The following NPAS3 variants were observed in gnomAD, a reference collection of about 807,000 sequenced individuals.
NPAS3 encodes the protein neuronal PAS domain protein 3, also known as neuronal PAS domain-containing protein 3.
NPAS3 carries 14 observed loss-of-function variants against 73.1 expected under a neutral mutation model. That is an observed-to-expected ratio of 0.19 (90% CI 0.13 to 0.30). The LOEUF (loss-of-function observed/expected upper bound fraction) is 0.30, where lower values mean the gene tolerates loss of function less well. Ranked by LOEUF, NPAS3 falls within the 10% of genes least tolerant of loss-of-function variation. The pLI, the probability that NPAS3 is intolerant of heterozygous loss-of-function variation, is 1.00. For synonymous variants in NPAS3, 620 were observed against 541.5 expected, an observed-to-expected ratio of 1.14 and a Z score of -2.01; for missense variants, 1,096 against 1,250.0, an observed-to-expected ratio of 0.88 and a Z score of 1.86.
rs150283866 is a variant in NPAS3, at chr14:33,098,983, A to G, written c.140+42989A>G. ...ATGGAAACTTAGTCTATGTTCCAGT[A>G]GCCAATCCTTGTATCCGTGGAGCCG... On this transcript the variant is annotated intron_variant, in intron 2 of 11. Transcript: ENST00000356141. Among the ~76,000 whole-genome samples the G allele has an allele frequency of 3.4e-3, 520 of 152,378 alleles. 18 individuals are homozygous for G. The East Asian group carries it at 0.09, about 26-fold the overall frequency.
chr14:33,269,614 G>A (rs1032006934), intron 3 of NPAS3, among the ~76,000 whole-genome samples: 1 of 152,132 alleles, frequency 6.6e-6, no homozygotes, highest in Non-Finnish European at 1.5e-5. Context: ...GGGAAACAAT[G>A]AGAAAATGAG....
chr14:33,033,487 A>G (rs759739461), intron 1 of NPAS3, among the ~76,000 whole-genome samples: 32 of 151,936 alleles, frequency 2.1e-4, no homozygotes, highest in Non-Finnish European at 5.9e-5. Context: ...TCAAATATAT[A>G]TATATATTTA....
chr14:33,449,684 A>G (rs2049699524), intron 4 of NPAS3, among the ~76,000 whole-genome samples: 1 of 152,152 alleles, frequency 6.6e-6, no homozygotes, highest in Non-Finnish European at 1.5e-5. Context: ...TGGCTAAAAA[A>G]TGCAATCTGC....
At chr14:33,450,450 G>T (rs532256229) in intron 4 of NPAS3, among the ~76,000 whole-genome samples, 1 of 152,156 alleles carries the variant, frequency 6.6e-6, no homozygotes, top group Admixed American at 6.5e-5. Context: ...TTGGTGTCTA[G>T]TCTCCCAAAC....
intron 2 of NPAS3, among the ~76,000 whole-genome samples, chr14:33,152,803 C>T (rs533204092): frequency 4.6e-5 from 7 of 151,558 alleles, no homozygotes; most frequent in African/African-American, 1.7e-4. Flanking sequence ...AATTTACTTT[C>T]ATTCAATGTG....
At chr14:33,729,456 AGGTTAGC>A (rs1296737462) in intron 6 of NPAS3, among the ~76,000 whole-genome samples, 1 of 152,188 alleles carries the variant, frequency 6.6e-6, no homozygotes, top group African/African-American at 2.4e-5. Context: ...TAGTTCCTTC[AGGTTAGC>A]GATCTAGGAG....
At chr14:33,425,144 A>G (rs1008276941) in intron 4 of NPAS3, among the ~76,000 whole-genome samples, 2 of 152,030 alleles carry the variant, frequency 1.3e-5, no homozygotes, top group African/African-American at 4.8e-5. Flanking sequence ...GAAAACATCT[A>G]TTATAATCAA....
chr14:33,279,328 C>T (rs929088041), intron 3 of NPAS3, among the ~76,000 whole-genome samples: 10 of 152,056 alleles, frequency 6.6e-5, no homozygotes, highest in African/African-American at 2.2e-4. Flanking sequence ...ATGTACCAGG[C>T]ACAATGCTAA....
chr14:33,489,946 G>T (rs981215779), intron 4 of NPAS3, among the ~76,000 whole-genome samples: 2 of 152,132 alleles, frequency 1.3e-5, no homozygotes, highest in Non-Finnish European at 2.9e-5. Context: ...AGGTTTCAAG[G>T]ATATCATAGC....
intron 2 of NPAS3, among the ~76,000 whole-genome samples, chr14:33,169,900 A>G (rs2045323218): frequency 6.6e-6 from 1 of 152,212 alleles, no homozygotes; most frequent in Non-Finnish European, 1.5e-5. Context: ...TCGAAAGGTC[A>G]CAGCAGCTTA....
At chr14:33,301,475 TA>T (rs1674338469) in intron 3 of NPAS3, among the ~76,000 whole-genome samples, 1 of 151,792 alleles carries the variant, frequency 6.6e-6, no homozygotes, top group Non-Finnish European at 1.5e-5. Context: ...ACTCAAATTC[TA>T]CTAGCCTGTT....
intron 1 of NPAS3, among the ~76,000 whole-genome samples, chr14:32,967,771 TG>T (rs71118518): frequency 3.1e-4 from 46 of 147,410 alleles, no homozygotes; most frequent in Middle Eastern, 3.5e-3. Flanking sequence ...CAACAGCATG[TG>T]GGGGGGGGTC....
At chr14:32,946,379 C>CACACACAT (rs1555374455) in intron 1 of NPAS3, among the ~76,000 whole-genome samples, 1 of 151,276 alleles carries the variant, frequency 6.6e-6, no homozygotes, top group African/African-American at 2.4e-5. Flanking sequence ...CACACACACA[C>CACACACAT]ACACACAGAG....
chr14:33,668,835 G>C (rs964147701), intron 5 of NPAS3, among the ~76,000 whole-genome samples: 6 of 152,066 alleles, frequency 3.9e-5, no homozygotes, highest in Non-Finnish European at 7.4e-5. Flanking sequence ...AAATAAAATG[G>C]CTGTTTAGAA....
rs191347319 is a variant in NPAS3 at position 33,572,300 on chromosome 14, A to T, written c.558+12090A>T. On this transcript the variant is annotated intron_variant, in intron 5 of 11. Coordinates refer to ENST00000356141, the Ensembl canonical transcript of NPAS3. ...TAATTAACAATAATTACATTTTTTTAAAAATTTAAAAGGCTTTAGAACAAG... is the reference window on the plus strand; with the variant it reads ...TAATTAACAATAATTACATTTTTTTTAAAATTTAAAAGGCTTTAGAACAAG... Among the ~76,000 whole-genome samples, 2,066 of 152,202 alleles carry T rather than the reference A, an allele frequency of 0.014. 114 individuals are homozygous for T. In the East Asian group the frequency reaches 0.2, roughly 14 times the overall value.
At chr14:33,367,587 A>ATC (rs1265995142) in intron 4 of NPAS3, among the ~76,000 whole-genome samples, 2 of 135,418 alleles carry the variant, frequency 1.5e-5, no homozygotes, top group Non-Finnish European at 3.1e-5. Context: ...TTGTAAGTGG[A>ATC]TCTGTGTGTG....
intron 2 of NPAS3, among the ~76,000 whole-genome samples, chr14:33,068,523 G>GTTCTCAAAGTTGGATGA (rs879701214): frequency 6.6e-6 from 1 of 152,064 alleles, no homozygotes; most frequent in Non-Finnish European, 1.5e-5. Flanking sequence ...CATAATCTTT[G>GTTCTCAAAGTTGGATGA]TTCTCAAAGT....
intron 1 of NPAS3, among the ~76,000 whole-genome samples, chr14:32,993,020 G>T (rs139177585): frequency 2.0e-4 from 31 of 152,028 alleles, no homozygotes; most frequent in African/African-American, 6.5e-4. Flanking sequence ...GCTGGGTGTG[G>T]TCTCAGGCAC....
intron 2 of NPAS3, among the ~76,000 whole-genome samples, chr14:33,072,974 T>G (rs987422349): frequency 5.9e-5 from 9 of 152,176 alleles, no homozygotes; most frequent in African/African-American, 1.7e-4. Flanking sequence ...AAAAAAAATT[T>G]TTTTACTTTA....
Sources: gnomAD v4.1 joint callset for allele counts (sites outside exome capture counted in the v4.1 genomes callset) on GRCh38, gnomAD v4.1.1 for gene constraint, MANE v1.5 for transcripts, NCBI Gene and HGNC (gene_info 2026-07-23, HGNC 2026-07-21) for gene names.